Variants in PRL observed in about 807,000 individuals in gnomAD.
The protein encoded by PRL is prolactin, also known as decidual prolactin.
Under a neutral mutation model 21.3 loss-of-function variants are expected in PRL, and 24 were observed. The observed-to-expected ratio is 1.13, with a 90% CI of 0.82 to 1.59. The LOEUF (loss-of-function observed/expected upper bound fraction) is 1.59. Among genes scored for constraint, PRL ranks in the 40% most tolerant of loss-of-function variants. The probability of loss-of-function intolerance (pLI) is 0.00; values close to 1 mark genes in which losing one functional copy is unlikely to be tolerated. For synonymous variants in PRL, 118 were observed against 115.7 expected, an observed-to-expected ratio of 1.02 and a Z score of -0.13; for missense variants, 243 against 286.9, an observed-to-expected ratio of 0.85 and a Z score of 1.10.
Position 22,288,923 on chromosome 6 carries a change from C to T in PRL, c.492+1251G>A, listed in dbSNP as rs922629174. Among the ~76,000 whole-genome samples the T allele has an allele frequency of 5.4e-5, 8 of 147,938 alleles. No homozygotes were observed. The highest frequency in any genetic ancestry group is 2.0e-4 in the East Asian group (1 of 5,008). On this transcript the variant is annotated intron_variant, in intron 4 of 4. Transcript: ENST00000306482. This position sits in a 1 kb window ranked among gnomAD's most constrained non-coding sequence, Gnocchi z 4.5. ...GTGTGCGCGCGCGTGTGTGTGCGTG[C>T]GCGTGTGTGTGCATGTGTGTGTGCG...
At chr6:22,295,595 CT>C (rs1436542426) in intron 1 of PRL, among the ~76,000 whole-genome samples, 6 of 152,188 alleles carry the variant, frequency 3.9e-5, no homozygotes, top group African/African-American at 7.2e-5. Context: ...CTGATCTTTG[CT>C]GAAGGTTTTC....
chr6:22,287,569 C>T lies in PRL; in HGVS notation c.517G>A (p.Glu173Lys). The T allele has an allele frequency of 6.2e-7, 1 of 1,607,838 alleles. No individual in the cohort carries two copies. Among genetic ancestry groups the T allele is most frequent in the Non-Finnish European group, 8.5e-7 (1 of 1,176,728 alleles). ...SQVHPETKENEIYPVWSGLPS... is the reference protein window; with the variant it reads ...SQVHPETKENKIYPVWSGLPS... ...AGTCCCGACCAGACAGGGTAGATCT[C>T]ATTTTCTTTGGTTTCAGGATGAACC... Residue 173 changes from glutamate to lysine, a missense_variant, in exon 5 of 5, where the codon GAG (glutamate) becomes AAG (lysine). Physicochemically the swap from Glu to Lys is moderately conservative, Grantham distance 56 (BLOSUM62 1). Transcript: ENST00000306482.
intron 3 of PRL, among the ~76,000 whole-genome samples, chr6:22,291,717 C>A (rs1761053423): frequency 6.6e-6 from 1 of 152,092 alleles, no homozygotes; most frequent in African/African-American, 2.4e-5. Flanking sequence ...ATGAACATAG[C>A]AGACAGAAAT....
rs1760989254 is a variant in PRL at position 22,288,933 on chromosome 6, T to A, written c.492+1241A>T. 6.6e-6 allele frequency among the ~76,000 whole-genome samples: 1 copy of A among 151,794 alleles called. No homozygotes were observed. Among genetic ancestry groups the A allele is most frequent in the Non-Finnish European group, 1.5e-5 (1 of 67,822 alleles). ...GCGTGTGTGTGCGTGCGCGTGTGTG[T>A]GCATGTGTGTGTGCGTGCGCGTGTG... On this transcript the variant is annotated intron_variant, in intron 4 of 4. Transcript: ENST00000306482. The surrounding 1 kb of genome is among the most constrained non-coding windows in gnomAD (Gnocchi z 4.5).
rs1561753175 is a variant in PRL, at chr6:22,288,919, C to CGTGTGTGCGCGCGCGCGTGTGTGT, written c.492+1254_492+1255insACACACACGCGCGCGCGCACACAC. The stretch of plus-strand genomic sequence containing the variant: ...GCGTGTGTGCGCGCGCGTGTGTGTG[C>CGTGTGTGCGCGCGCGCGTGTGTGT]GTGCGCGTGTGTGTGCATGTGTGTG... On this transcript the variant is annotated intron_variant, in intron 4 of 4. Transcript: ENST00000306482. This position sits in a 1 kb window ranked among gnomAD's most constrained non-coding sequence, Gnocchi z 4.5. Among the ~76,000 whole-genome samples the CGTGTGTGCGCGCGCGCGTGTGTGT allele has an allele frequency of 1.3e-5, 2 of 150,064 alleles. No homozygotes were observed. Among genetic ancestry groups the CGTGTGTGCGCGCGCGCGTGTGTGT allele is most frequent in the Non-Finnish European group, 1.5e-5 (1 of 67,398 alleles).
At chr6:22,300,242 T>A (rs567363685), upstream of PRL, among the ~76,000 whole-genome samples, 1 of 152,248 alleles carries the variant, frequency 6.6e-6, no homozygotes, top group Non-Finnish European at 1.5e-5. Flanking sequence ...ACTTCATACA[T>A]ATTGTTGAAT....
chr6:22,289,107 G>T (rs932363998), intron 4 of PRL, among the ~76,000 whole-genome samples: 1 of 152,156 alleles, frequency 6.6e-6, no homozygotes, highest in African/African-American at 2.4e-5. Context: ...AGAAAATGAA[G>T]TACTATAGAA....
At chr6:22,297,127 T>C (rs1207196692), upstream of PRL, 10 of 751,990 alleles carry the variant, frequency 1.3e-5, no homozygotes, top group Non-Finnish European at 1.5e-5. Context: ...TTCCTGGTCA[T>C]CTATTTCCGT....
In PRL at chr6:22,287,511, C is replaced by T. The variant is rs761807407; in HGVS notation, c.575G>A (p.Arg192His). 35 of 1,613,934 alleles carry T rather than the reference C, an allele frequency of 2.2e-5. No individual in the cohort carries two copies. The Middle Eastern group carries it at 6.6e-4, about 30-fold the overall frequency. Residue 192 changes from arginine to histidine, a missense_variant, in exon 5 of 5, where the codon CGC becomes CAC. Arg to His is a conservative substitution (Grantham distance 29). Transcript: ENST00000306482. ...GAGCAGGTTATAATAAGCAGAAAGG[C>T]GAGACTCTTCATCAGCCATCTGCAG... The part of the protein sequence containing the change: ...PSLQMADEES[R>H]LSAYYNLLHC...
In PRL at chr6:22,287,313, A is replaced by G. The variant is rs944370247; in HGVS notation, c.*89T>C. The stretch of plus-strand genomic sequence containing the variant: ...AAGAGGAGACCTGTTACACCCAAGC[A>G]TGGATTCAAAAGAGATACAACTAAA... On this transcript the variant is annotated 3_prime_UTR_variant, in exon 5 of 5. Transcript: ENST00000306482. 7.6e-7 allele frequency: 1 copy of G among 1,322,650 alleles called. No individual in the cohort carries two copies. Among genetic ancestry groups the G allele is most frequent in the Non-Finnish European group, 1.0e-6 (1 of 981,334 alleles). The allele number at this position is 1,322,650 out of a possible 1,614,324, so 81.9% of individuals were successfully genotyped here.
At chr6:22,301,294 G>A (rs941886994), upstream of PRL, among the ~76,000 whole-genome samples, 55 of 152,114 alleles carry the variant, frequency 3.6e-4, no homozygotes, top group Admixed American at 1.1e-3. Context: ...CTTACTTCCC[G>A]GGATAATTTT....
chr6:22,301,905 A>G (rs565663342), upstream of PRL, among the ~76,000 whole-genome samples: 1 of 152,316 alleles, frequency 6.6e-6, no homozygotes, highest in East Asian at 1.9e-4. Flanking sequence ...CTGATGTCCA[A>G]CAGTAATTCA....
chr6:22,293,198 T>C (rs996146242), intron 2 of PRL, among the ~76,000 whole-genome samples: 3 of 152,190 alleles, frequency 2.0e-5, no homozygotes, highest in Non-Finnish European at 4.4e-5. Context: ...AACTTTTTTT[T>C]AAATTATGAC....
Position 22,294,480 on chromosome 6 carries a change from C to T in PRL, c.133G>A (p.Asp45Asn). Reference sequence around the variant, plus strand: ...AGGACGACGGCGCGGTCAAACAGGTCTCGAAGGGTCACCTGGCATCGGGCA... The same window carrying T: ...AGGACGACGGCGCGGTCAAACAGGTTTCGAAGGGTCACCTGGCATCGGGCA... ...GAARCQVTLRDLFDRAVVLSH... is the reference protein window; with the variant it reads ...GAARCQVTLRNLFDRAVVLSH... The change falls in exon 2 of 5, where the codon GAC becomes AAC. Residue 45 changes from aspartate (D) to asparagine (N), a missense_variant. Transcript: ENST00000306482. 1.2e-6 allele frequency: 2 copies of T among 1,614,118 alleles called. No homozygotes were observed. Among genetic ancestry groups the T allele is most frequent in the Non-Finnish European group, 1.7e-6 (2 of 1,180,032 alleles).
At chr6:22,290,454 T>C (rs889727327) in intron 3 of PRL, 101 bp from the exon 4 acceptor site, 11 of 971,128 alleles carry the variant, frequency 1.1e-5, no homozygotes, top group Admixed American at 3.0e-5. Flanking sequence ...AATATCTTTT[T>C]TTATTCCTAT....
In PRL at chr6:22,287,332, A is replaced by C. The variant is rs1040484155; in HGVS notation, c.*70T>G. 3 of 1,437,384 alleles carry C rather than the reference A, an allele frequency of 2.1e-6. No individual in the cohort carries two copies. In the African/African-American group the frequency reaches 4.2e-5, roughly 20 times the overall value. The allele number at this position is 1,437,384 out of a possible 1,614,324, so 89.0% of individuals were successfully genotyped here. On this transcript the variant is annotated 3_prime_UTR_variant, in exon 5 of 5. Coordinates refer to ENST00000306482, the MANE Select transcript of PRL (RefSeq NM_000948.6). ...CCAAGCATGGATTCAAAAGAGATACAACTAAAAGAAGCTTGCAATGGAACG... is the reference window on the plus strand; with the variant it reads ...CCAAGCATGGATTCAAAAGAGATACCACTAAAAGAAGCTTGCAATGGAACG...
At chr6:22,296,358 G>A (rs1225868573) in intron 1 of PRL, among the ~76,000 whole-genome samples, 2 of 152,186 alleles carry the variant, frequency 1.3e-5, no homozygotes, top group Admixed American at 6.5e-5. Context: ...CTTTTGAAAT[G>A]TCATTTGGCT....
chr6:22,292,742 A>G, intron 2 of PRL, 97 bp from the exon 3 acceptor site: 1 of 968,964 alleles, frequency 1.0e-6, no homozygotes, highest in Non-Finnish European at 1.5e-6. Context: ...CAGATGTGTA[A>G]TTTTAAAAAA....
At chr6:22,292,717 T>C (rs574396848) in intron 2 of PRL, 72 bp from the exon 3 acceptor site, 1 of 1,187,656 alleles carries the variant, frequency 8.4e-7, no homozygotes, top group African/African-American at 1.5e-5. Flanking sequence ...ATTAGCAGAA[T>C]ACTAATACCT....
Sources: gnomAD v4.1 joint callset for allele counts (sites outside exome capture counted in the v4.1 genomes callset) on GRCh38, gnomAD v4.1.1 for gene constraint, Gnocchi (gnomAD v3.1) non-coding constraint, MANE v1.5 for transcripts, NCBI Gene and HGNC (gene_info 2026-07-23, HGNC 2026-07-21) for gene names.